The following ERC2 variants were observed in gnomAD, a reference collection of about 807,000 sequenced individuals.
The protein encoded by ERC2 is ERC protein 2.
ERC2 carries 42 observed loss-of-function variants against 114.8 expected under a neutral mutation model. The ratio of observed to expected loss-of-function variants is 0.37; its 90% CI spans 0.29 to 0.47. The LOEUF is 0.47. Among genes scored for constraint, ERC2 ranks in the 20% least tolerant of loss-of-function variants. ERC2 has a pLI of 0.99. For synonymous variants in ERC2, 454 were observed against 425.5 expected, an observed-to-expected ratio of 1.07 and a Z score of -0.82; for missense variants, 939 against 1,150.7, an observed-to-expected ratio of 0.82 and a Z score of 2.66.
intron 17 of ERC2, among the ~76,000 whole-genome samples, chr3:55,563,118 T>C (rs941215798): frequency 6.6e-6 from 1 of 152,196 alleles, no homozygotes; most frequent in Non-Finnish European, 1.5e-5. Context: ...CAGCTCCAGA[T>C]ACCAGAGAGA....
chr3:56,051,826 A>AAC (rs370057271), intron 7 of ERC2, among the ~76,000 whole-genome samples: 3,318 of 129,996 alleles, frequency 0.026, 69 homozygotes, highest in African/African-American at 0.056. Flanking sequence ...CTCCATCTCA[A>AAC]ACACACACAC....
chr3:56,314,481 A>G (rs2056771117), intron 2 of ERC2, among the ~76,000 whole-genome samples: 2 of 110,948 alleles, frequency 1.8e-5, no homozygotes, highest in South Asian at 6.6e-4. Flanking sequence ...CAGTGCAAAC[A>G]GGTGAAACTG....
chr3:56,237,476 C>T (rs2051028152), intron 3 of ERC2, among the ~76,000 whole-genome samples: 1 of 152,152 alleles, frequency 6.6e-6, no homozygotes. Flanking sequence ...TTTCCTTTTC[C>T]TGGGCAGGTT....
intron 3 of ERC2, among the ~76,000 whole-genome samples, chr3:56,196,845 G>A (rs1328827062): frequency 6.6e-6 from 1 of 152,026 alleles, no homozygotes; most frequent in Admixed American, 6.6e-5. Flanking sequence ...ACCCCGCTTT[G>A]TCCTTTCCAA....
intron 2 of ERC2, among the ~76,000 whole-genome samples, chr3:56,352,779 C>G (rs1038451538): frequency 6.6e-6 from 1 of 152,110 alleles, no homozygotes; most frequent in African/African-American, 2.4e-5. Flanking sequence ...TTGTTGGCAC[C>G]ATTCAGTACT....
intron 2 of ERC2, among the ~76,000 whole-genome samples, chr3:56,302,695 A>T (rs111387893): frequency 2.0e-3 from 301 of 152,264 alleles, no homozygotes; most frequent in African/African-American, 6.7e-3. Context: ...ACTGGCATTC[A>T]TTTCATCTTG....
At chr3:55,694,369 G>A (rs555837204) in intron 16 of ERC2, among the ~76,000 whole-genome samples, 3 of 152,252 alleles carry the variant, frequency 2.0e-5, no homozygotes, top group Admixed American at 6.5e-5. Flanking sequence ...ACCTCGTAAG[G>A]GCCAGACATG....
intron 2 of ERC2, among the ~76,000 whole-genome samples, chr3:56,382,835 G>A (rs746888063): frequency 4.0e-5 from 6 of 151,832 alleles, no homozygotes; most frequent in East Asian, 1.9e-4. Flanking sequence ...CCCTGGACTC[G>A]AAACTGCAAA....
At chr3:55,531,781 C>A (rs2053683977) in intron 17 of ERC2, among the ~76,000 whole-genome samples, 1 of 152,178 alleles carries the variant, frequency 6.6e-6, no homozygotes, top group African/African-American at 2.4e-5. Context: ...TTGCCTTTCC[C>A]TGGGCCACCA....
chr3:56,101,554 G>A lies in ERC2; in HGVS notation c.1474-20570C>T, dbSNP rs540009785. Reference sequence around the variant, plus strand: ...TTTAGAGAAGGGAAGTGAGCCTCAGGAAAGTAAAGGACTTACCCATGGCCC... The same window carrying A: ...TTTAGAGAAGGGAAGTGAGCCTCAGAAAAGTAAAGGACTTACCCATGGCCC... On this transcript the variant is annotated intron_variant, in intron 6 of 17. Transcript: ENST00000288221. Among the ~76,000 whole-genome samples, 160 of 152,254 alleles carry A rather than the reference G, an allele frequency of 1.1e-3. 1 individual carries two copies. In the Middle Eastern group the frequency reaches 0.014, roughly 13 times the overall value.
At chr3:55,889,158 T>A (rs2063494828) in intron 13 of ERC2, among the ~76,000 whole-genome samples, 1 of 152,162 alleles carries the variant, frequency 6.6e-6, no homozygotes, top group African/African-American at 2.4e-5. Context: ...CCCAGCACAA[T>A]ATACTTTTGT....
chr3:56,239,287 C>T (rs1193115249), intron 3 of ERC2, among the ~76,000 whole-genome samples: 5 of 152,160 alleles, frequency 3.3e-5, no homozygotes, highest in African/African-American at 7.2e-5. Flanking sequence ...GAGGCCGAGG[C>T]GGGCAGGTTG....
chr3:56,372,115 G>T (rs1209346843), intron 2 of ERC2, among the ~76,000 whole-genome samples: 1 of 152,168 alleles, frequency 6.6e-6, no homozygotes, highest in Non-Finnish European at 1.5e-5. Flanking sequence ...AAGAGTCTGT[G>T]GTTAGAAGGT....
chr3:55,975,128 C>A (rs995810621), intron 12 of ERC2, among the ~76,000 whole-genome samples: 1 of 152,012 alleles, frequency 6.6e-6, no homozygotes, highest in Non-Finnish European at 1.5e-5. Context: ...CTTCCCTGAG[C>A]CTTGGTTTCC....
rs1472814847 is a variant in ERC2, at chr3:56,034,042, A to G, written c.1642-15011T>C. Among the ~76,000 whole-genome samples the G allele has an allele frequency of 6.8e-4, 104 of 152,342 alleles. 2 individuals carry two copies. The highest frequency in any genetic ancestry group is 6.8e-3 in the Admixed American group (104 of 15,300). On this transcript the variant is annotated intron_variant, in intron 7 of 17. Coordinates refer to ENST00000288221, the MANE Select transcript of ERC2 (RefSeq NM_015576.3). ...CAAAAGACATAGAATGTCTAAATTG[A>G]TTTTTAAAAACAAGATTCAACTATA...
At chr3:56,173,027 T>C (rs577728198) in intron 4 of ERC2, among the ~76,000 whole-genome samples, 18 of 152,350 alleles carry the variant, frequency 1.2e-4, no homozygotes, top group African/African-American at 4.1e-4. Flanking sequence ...GATAGCATTA[T>C]TTTAATTATT....
At chr3:56,054,378 C>G (rs573321614) in intron 7 of ERC2, among the ~76,000 whole-genome samples, 1 of 152,246 alleles carries the variant, frequency 6.6e-6, no homozygotes, top group East Asian at 1.9e-4. Flanking sequence ...CATTTCAAAC[C>G]ACTGCACCCA....
chr3:55,570,190 A>G (rs1390270774), intron 17 of ERC2, among the ~76,000 whole-genome samples: 1 of 151,926 alleles, frequency 6.6e-6, no homozygotes, highest in Admixed American at 6.6e-5. Flanking sequence ...GAGTCTCTCC[A>G]TTTCTCCCAG....
chr3:55,600,763 C>G (rs963810294), intron 17 of ERC2, among the ~76,000 whole-genome samples: 5 of 152,182 alleles, frequency 3.3e-5, no homozygotes, highest in African/African-American at 9.7e-5. Context: ...TCAGTGCAGG[C>G]CTTTGGAAGT....
Sources: gnomAD v4.1 joint callset for allele counts (sites outside exome capture counted in the v4.1 genomes callset) on GRCh38, gnomAD v4.1.1 for gene constraint, MANE v1.5 for transcripts, NCBI Gene and HGNC (gene_info 2026-07-23, HGNC 2026-07-21) for gene names.